GATAD2B: variants seen among roughly 807,000 people sequenced by gnomAD.
The protein encoded by GATAD2B is transcriptional repressor p66-beta.
A neutral mutation model predicts 64.3 loss-of-function variants in GATAD2B; 8 were observed. The observed-to-expected ratio is 0.12, with a 90% CI of 0.07 to 0.22. The LOEUF is 0.22. Ranked by LOEUF, GATAD2B falls within the 10% of genes least tolerant of loss-of-function variation. The probability of loss-of-function intolerance (pLI) is 1.00; values close to 1 mark genes in which losing one functional copy is unlikely to be tolerated. For missense variants in GATAD2B, 453 were observed against 752.0 expected (o/e 0.60, Z 4.65); for synonymous variants, 281 against 271.3 (o/e 1.04, Z -0.35).
At chr1:153,895,082 T>C (rs530107728) in intron 1 of GATAD2B, among the ~76,000 whole-genome samples, 1 of 151,552 alleles carries the variant, frequency 6.6e-6, no homozygotes, top group East Asian at 2.0e-4. Flanking sequence ...CCCTTGAACC[T>C]AGGAGGCAGA....
At chr1:153,871,832 C>T (rs1245823107) in intron 1 of GATAD2B, among the ~76,000 whole-genome samples, 2 of 152,100 alleles carry the variant, frequency 1.3e-5, no homozygotes, top group Non-Finnish European at 2.9e-5. Flanking sequence ...TGCCTGTAGT[C>T]CCAACTACTT....
chr1:153,829,504 G>A lies in GATAD2B; in HGVS notation c.-1-1156C>T, dbSNP rs576902094. Among the ~76,000 whole-genome samples, 11 of 152,284 alleles carry A rather than the reference G, an allele frequency of 7.2e-5. No individual in the cohort carries two copies. The East Asian group carries it at 1.2e-3, about 16-fold the overall frequency. On this transcript the variant is annotated intron_variant, in intron 1 of 10. Transcript: ENST00000368655. ...TATAATCCCAGCATTTTGGGAGGCC[G>A]AGGAGGGTGGATCACGAGGTCAGGA...
intron 1 of GATAD2B, among the ~76,000 whole-genome samples, chr1:153,842,710 T>C (rs1168250749): frequency 6.6e-6 from 1 of 152,078 alleles, no homozygotes; most frequent in East Asian, 1.9e-4. Flanking sequence ...TGGAGTGCAA[T>C]GGCACAATCT....
At chr1:153,914,227 C>CAAAAAAAAAAAA (rs759245034) in intron 1 of GATAD2B, among the ~76,000 whole-genome samples, 2 of 65,984 alleles carry the variant, frequency 3.0e-5, no homozygotes, top group Non-Finnish European at 5.6e-5. Flanking sequence ...CCCAGACTCT[C>CAAAAAAAAAAAA]AAAAAAAAAA....
rs78641782 is a variant in GATAD2B, at chr1:153,920,009, T to G, written c.-2+2724A>C. On this transcript the variant is annotated intron_variant, in intron 1 of 10. Transcript: ENST00000368655. Reference sequence around the variant, plus strand: ...CTCAATGAGCCAAGCAACATGAGCCTTCTAAGTTAAGCGCAGAGGGGCTGC... The same window carrying G: ...CTCAATGAGCCAAGCAACATGAGCCGTCTAAGTTAAGCGCAGAGGGGCTGC... Among the ~76,000 whole-genome samples the G allele has an allele frequency of 2.7e-3, 406 of 152,328 alleles. 3 individuals are homozygous for G. The highest frequency in any genetic ancestry group is 9.2e-3 in the African/African-American group (384 of 41,582).
chr1:153,891,960 GA>G, intron 1 of GATAD2B, among the ~76,000 whole-genome samples: 1 of 151,368 alleles, frequency 6.6e-6, no homozygotes, highest in African/African-American at 2.4e-5. Context: ...TCAAGAAATC[GA>G]GACCATCCTG....
intron 1 of GATAD2B, among the ~76,000 whole-genome samples, chr1:153,895,331 C>T (rs970936004): frequency 1.6e-4 from 23 of 146,910 alleles, no homozygotes; most frequent in South Asian, 1.1e-3. Context: ...GAGACTCCAT[C>T]TCAAAAAAAA....
intron 2 of GATAD2B, among the ~76,000 whole-genome samples, chr1:153,821,270 C>T (rs1031102392): frequency 6.6e-6 from 1 of 152,048 alleles, no homozygotes; most frequent in African/African-American, 2.4e-5. Flanking sequence ...AGGTGTGAGC[C>T]ACCATGCCCA....
intron 1 of GATAD2B, among the ~76,000 whole-genome samples, chr1:153,832,765 GTACCCAATGGGTAGTTTTTCAACC>G (rs1349146837): frequency 2.0e-5 from 3 of 152,136 alleles, no homozygotes; most frequent in Non-Finnish European, 4.4e-5. Context: ...AGCTAACATA[GTACCCAATGGGTAGTTTTTCAACC>G]CTTATCTCCC....
intron 1 of GATAD2B, among the ~76,000 whole-genome samples, chr1:153,864,514 T>C (rs530387122): frequency 6.6e-6 from 1 of 152,086 alleles, no homozygotes; most frequent in African/African-American, 2.4e-5. Flanking sequence ...CTACTTGGAA[T>C]GCTGAGACAG....
intron 5 of GATAD2B, 116 bp downstream of exon 5, chr1:153,817,924 T>C (rs1315473233): frequency 9.6e-6 from 8 of 833,950 alleles, no homozygotes; most frequent in Non-Finnish European, 1.1e-5. Context: ...GAACAATCAG[T>C]AGTAATAACA....
At chr1:153,824,214 G>A (rs749114713) in intron 2 of GATAD2B, among the ~76,000 whole-genome samples, 4 of 151,604 alleles carry the variant, frequency 2.6e-5, no homozygotes, top group Non-Finnish European at 5.9e-5. Context: ...AGGAATTTGA[G>A]GAAATAGTGC....
At chr1:153,831,711 A>G (rs1326258766) in intron 1 of GATAD2B, among the ~76,000 whole-genome samples, 1 of 152,176 alleles carries the variant, frequency 6.6e-6, no homozygotes, top group Non-Finnish European at 1.5e-5. Flanking sequence ...GTGGAGTGCT[A>G]TAGACCACTA....
chr1:153,846,429 G>T (rs369012163), intron 1 of GATAD2B, among the ~76,000 whole-genome samples: 1 of 151,908 alleles, frequency 6.6e-6, no homozygotes, highest in East Asian at 1.9e-4. Context: ...GTAGAGATGG[G>T]GTTTCACCAT....
intron 1 of GATAD2B, among the ~76,000 whole-genome samples, chr1:153,880,748 T>C (rs529921607): frequency 6.6e-6 from 1 of 151,214 alleles, no homozygotes. Context: ...AGAGGCTGAG[T>C]TGGGAGGATA....
chr1:153,889,870 A>G (rs2101948091), intron 1 of GATAD2B, among the ~76,000 whole-genome samples: 1 of 152,294 alleles, frequency 6.6e-6, no homozygotes, highest in African/African-American at 2.4e-5. Flanking sequence ...CATCTACATT[A>G]TCAATAGAAA....
intron 1 of GATAD2B, among the ~76,000 whole-genome samples, chr1:153,829,212 A>G (rs1027584083): frequency 6.6e-6 from 1 of 152,086 alleles, no homozygotes; most frequent in Non-Finnish European, 1.5e-5. Flanking sequence ...TCCAGGAAAC[A>G]ACAAAAAAAA....
chr1:153,859,682 TA>T (rs990062068), intron 1 of GATAD2B, among the ~76,000 whole-genome samples: 15 of 147,806 alleles, frequency 1.0e-4, no homozygotes, highest in East Asian at 4.2e-4. Context: ...AAAAAAATAA[TA>T]AAAAAAAAAA....
chr1:153,831,621 A>T, intron 1 of GATAD2B, among the ~76,000 whole-genome samples: 1 of 152,202 alleles, frequency 6.6e-6, no homozygotes, highest in East Asian at 1.9e-4. Context: ...CTATCATTAT[A>T]ATCAACTTTA....
Sources: allele counts gnomAD v4.1 joint callset (sites outside exome capture counted in the v4.1 genomes callset), GRCh38; gene constraint gnomAD v4.1.1; transcripts MANE v1.5; gene names NCBI Gene and HGNC (gene_info 2026-07-23, HGNC 2026-07-21).